ACAP3: variants seen among roughly 807,000 people sequenced by gnomAD.
The protein encoded by ACAP3 is arf-GAP with coiled-coil, ANK repeat and PH domain-containing protein 3.
A neutral mutation model predicts 104.1 loss-of-function variants in ACAP3; 56 were observed. The ratio of observed to expected loss-of-function variants is 0.54; its 90% CI spans 0.43 to 0.67. ACAP3 has a LOEUF of 0.67. ACAP3 is among the 30% of genes least tolerant of loss of function. The pLI is 0.00. For missense variants in ACAP3, 1,208 were observed against 1,174.9 expected (o/e 1.03, Z -0.41); for synonymous variants, 628 against 496.2 (o/e 1.27, Z -3.53).
At position 1,294,144 on chromosome 1, in the gene ACAP3, CTT is replaced by C. The variant is rs1477498660; in HGVS notation, c.2193_2194del (p.Asp733GlnfsTer50). ...CAGGGGCGCCCGGCCCCGGCTGTCT[CTT>C]TGGTTCACGTCCGCTCCGTTTTGCA... On this transcript the variant is annotated frameshift_variant, in exon 22 of 24. Coordinates refer to ENST00000354700, the MANE Select transcript of ACAP3 (RefSeq NM_030649.3). LOFTEE classifies it high-confidence loss of function. 1.3e-6 allele frequency: 2 copies of C among 1,595,970 alleles called. No individual in the cohort carries two copies. Among genetic ancestry groups the C allele is most frequent in the Admixed American group, 1.7e-5 (1 of 57,978 alleles).
rs1276130851 is a variant in ACAP3, at chr1:1,297,873, C to T, written c.1077G>A (p.Gln359=). The change falls in exon 14 of 24, where the codon CAG becomes CAA. Residue 359 remains glutamine, a synonymous_variant. Transcript: ENST00000354700. ...KLRQAWVQAV[Q]ASIASAYRES... ...CGCGGTAGGCGGAGGCGATGCTGGC[C>T]TGCACAGCCTGGACCCAGGCTTGCC... 1.2e-6 allele frequency: 2 copies of T among 1,612,098 alleles called. No individual in the cohort carries two copies. Among genetic ancestry groups the T allele is most frequent in the Non-Finnish European group, 1.7e-6 (2 of 1,179,544 alleles).
intron 10 of ACAP3, 116 bp from the exon 11 acceptor site, chr1:1,298,795 C>T (rs908680506): frequency 5.3e-6 from 4 of 749,338 alleles, no homozygotes; most frequent in African/African-American, 3.5e-5. Context: ...ACACGGCCCA[C>T]GGACCACACG....
rs755512073 is a variant in ACAP3, at chr1:1,293,944, A to T, written c.2250-11T>A. 1.4e-6 allele frequency: 2 copies of T among 1,469,010 alleles called. No individual in the cohort carries two copies. The highest frequency in any genetic ancestry group is 1.8e-6 in the Non-Finnish European group (2 of 1,088,452). The allele number at this position is 1,469,010 out of a possible 1,614,324, so 91.0% of individuals were successfully genotyped here. A position where few individuals can be genotyped will look rare whatever the true frequency, so the allele number is the denominator to read the frequency against. ...AACAGGCAAACCTGGCTGAGGGGCG[A>T]GGTCGGAGGGGCGTGTCGGGGCGGG... On this transcript the variant is annotated splice_polypyrimidine_tract_variant and intron_variant, in intron 22 of 23. Transcript: ENST00000354700.
intron 1 of ACAP3, chr1:1,307,018 G>C: frequency 3.9e-6 from 2 of 507,450 alleles, no homozygotes; most frequent in Non-Finnish European, 7.2e-6. Context: ...AAGTTCACAA[G>C]AGCGCACCCC....
chr1:1,300,669 G>C lies in ACAP3; in HGVS notation c.362C>G (p.Thr121Arg). The C allele has an allele frequency of 6.2e-7, 1 of 1,608,422 alleles. No individual in the cohort carries two copies. Among genetic ancestry groups the C allele is most frequent in the Non-Finnish European group, 8.5e-7 (1 of 1,178,566 alleles). Residue 121 changes from threonine (T) to arginine (R), a missense_variant, in exon 6 of 24, where the codon ACA (threonine) becomes AGA (arginine). By Grantham distance (71) the Thr-to-Arg change is moderately conservative. Coordinates refer to ENST00000354700, the MANE Select transcript of ACAP3 (RefSeq NM_030649.3). Reference sequence around the variant, plus strand: ...CCGCACCTTGTCAAACTGCTTCTTTGTCTCCTTGAACTTCCGCACATCCCT... The same window carrying C: ...CCGCACCTTGTCAAACTGCTTCTTTCTCTCCTTGAACTTCCGCACATCCCT... The part of the protein sequence containing the change: ...VKEDVRKFKE[T>R]KKQFDKVRED...
intron 6 of ACAP3, 58 bp from the exon 7 acceptor site, chr1:1,300,260 C>T: frequency 6.5e-7 from 1 of 1,537,970 alleles, no homozygotes; most frequent in East Asian, 2.3e-5. Context: ...CCAAGCCCTG[C>T]ACCTGCCATA....
At chr1:1,296,916 G>A (rs555556425) in intron 14 of ACAP3, among the ~76,000 whole-genome samples, 1 of 152,090 alleles carries the variant, frequency 6.6e-6, no homozygotes, top group South Asian at 2.1e-4. Flanking sequence ...GGCAGATGGT[G>A]CCGAGCACAC....
intron 5 of ACAP3, 104 bp downstream of exon 5, chr1:1,301,884 G>A (rs1641461255): frequency 9.6e-6 from 11 of 1,143,022 alleles, no homozygotes; most frequent in Non-Finnish European, 1.3e-5. Context: ...GCACAGCCTG[G>A]AGGCCTGGGC....
Position 1,293,728 on chromosome 1 carries a change from G to A in ACAP3, c.2361-20C>T, listed in dbSNP as rs542225176. The A allele has an allele frequency of 1.3e-4, 182 of 1,410,018 alleles. 2 individuals are homozygous for A. In the South Asian group the frequency reaches 2.7e-3, roughly 21 times the overall value. The allele number at this position is 1,410,018 out of a possible 1,614,324, so 87.3% of individuals were successfully genotyped here. A position where few individuals can be genotyped will look rare whatever the true frequency, so the allele number is the denominator to read the frequency against. ...CGGAGCCTACGGGGAGGCACAGCGT[G>A]AGACGCCCCTGCCCTGGAGGCCCCG... On this transcript the variant is annotated intron_variant, in intron 23 of 23. Coordinates refer to ENST00000354700, the MANE Select transcript of ACAP3 (RefSeq NM_030649.3).
chr1:1,300,578 C>T lies in ACAP3; in HGVS notation c.453G>A (p.Glu151=). The change falls in exon 6 of 24, where the codon GAG becomes GAA. Residue 151 remains glutamate, a synonymous_variant. Transcript: ENST00000354700. ...TGAGGGTGAGGGCCCCGGTGGCTTC[C>T]TCCACCTCGTGGGGCCGGTGCCTCG... The part of the protein sequence containing the change: ...QAPRHRPHEV[E]EATGALTLTR... The T allele has an allele frequency of 6.2e-7, 1 of 1,611,978 alleles. No homozygotes were observed. Among genetic ancestry groups the T allele is most frequent in the Non-Finnish European group, 8.5e-7 (1 of 1,179,630 alleles).
chr1:1,301,234 C>G (rs1207891078), intron 5 of ACAP3, among the ~76,000 whole-genome samples: 2 of 147,748 alleles, frequency 1.4e-5, no homozygotes, highest in African/African-American at 5.0e-5. Context: ...CCATATAAGG[C>G]TTATTTTTGG....
chr1:1,299,898 TG>T lies in ACAP3; in HGVS notation c.670del (p.Gln224SerfsTer3). ...YMKKLAAELDQLVIDSAVEKR... is the reference protein window; with the variant it reads ...YMKKLAAELDXLVIDSAVEKR... Reference sequence around the variant, plus strand: ...TTCCACCGCAGAGTCGATCACCAGCTGGTCCAGCTGTTGGGGGTGGCATTAG... The same window carrying T: ...TTCCACCGCAGAGTCGATCACCAGCTGTCCAGCTGTTGGGGGTGGCATTAG... On this transcript the variant is annotated frameshift_variant, in exon 9 of 24. Coordinates refer to ENST00000354700, the MANE Select transcript of ACAP3 (RefSeq NM_030649.3). LOFTEE classifies it high-confidence loss of function. The T allele has an allele frequency of 6.3e-7, 1 of 1,583,108 alleles. No individual in the cohort carries two copies. Among genetic ancestry groups the T allele is most frequent in the Non-Finnish European group, 8.6e-7 (1 of 1,159,784 alleles).
chr1:1,300,848 C>T (rs1451181908), intron 5 of ACAP3, among the ~76,000 whole-genome samples, 156 bp from the exon 6 acceptor site: 2 of 151,618 alleles, frequency 1.3e-5, no homozygotes, highest in Admixed American at 6.6e-5. Flanking sequence ...CTCGGCTCAC[C>T]GCAATCTCTG....
At chr1:1,304,001 G>A in intron 2 of ACAP3, 85 bp downstream of exon 2, 1 of 1,503,138 alleles carries the variant, frequency 6.7e-7, no homozygotes, top group Non-Finnish European at 9.0e-7. Flanking sequence ...GGTGTAAGTG[G>A]CTTAGTAAGG....
At chr1:1,300,481 C>T (rs555176415) in intron 6 of ACAP3, 28 bp downstream of exon 6, 17 of 1,587,126 alleles carry the variant, frequency 1.1e-5, no homozygotes, top group South Asian at 4.6e-5. Flanking sequence ...AGCTGGTCCC[C>T]GCCCCCCAGC....
rs769370839 is a variant in ACAP3 at position 1,294,157 on chromosome 1, C to T, written c.2182G>A (p.Asp728Asn). 5.6e-6 allele frequency: 9 copies of T among 1,597,228 alleles called. No individual in the cohort carries two copies. Among genetic ancestry groups the T allele is most frequent in the Admixed American group, 3.4e-5 (2 of 58,162 alleles). ...CCCCGGCTGTCTCTTTGGTTCACGT[C>T]CGCTCCGTTTTGCAGCAGGAACTCA... The part of the protein sequence containing the change: ...VCEFLLQNGA[D>N]VNQRDSRGRA... Residue 728 changes from aspartate to asparagine, a missense_variant, in exon 22 of 24, where the codon GAC becomes AAC. By Grantham distance (23) the Asp-to-Asn change is conservative (BLOSUM62 1). Transcript: ENST00000354700.
chr1:1,297,684 C>T lies in ACAP3; in HGVS notation c.1128+138G>A, dbSNP rs1182427680. 6.8e-5 allele frequency: 44 copies of T among 642,512 alleles called. 6 individuals carry two copies. Among genetic ancestry groups the T allele is most frequent in the African/African-American group, 3.3e-4 (5 of 14,978 alleles). The allele number at this position is 642,512 out of a possible 1,614,324, so 39.8% of individuals were successfully genotyped here. On this transcript the variant is annotated intron_variant, in intron 14 of 23. Transcript: ENST00000354700. ...ACAGGCGCGGGGCAGGGGCCATCCC[C>T]GGTGGCACGTGTGCACGGGCACGGG... is the stretch of plus-strand genomic sequence containing the variant.
intron 1 of ACAP3, among the ~76,000 whole-genome samples, chr1:1,306,217 C>T (rs550076673): frequency 2.6e-5 from 4 of 152,232 alleles, no homozygotes; most frequent in Admixed American, 1.3e-4. Context: ...CCATGAGAGC[C>T]GGTTACCAGA....
intron 10 of ACAP3, 45 bp from the exon 11 acceptor site, chr1:1,298,724 C>G (rs759534305): frequency 1.4e-6 from 2 of 1,474,328 alleles, no homozygotes; most frequent in Non-Finnish European, 1.9e-6. Flanking sequence ...CCCAGGGGCC[C>G]TGCTACCCTC....
Sources: allele counts gnomAD v4.1 joint callset (sites outside exome capture counted in the v4.1 genomes callset), GRCh38; gene constraint gnomAD v4.1.1; transcripts MANE v1.5; gene names NCBI Gene and HGNC (gene_info 2026-07-23, HGNC 2026-07-21).